The following ATP2B2 variants were observed in gnomAD, a reference collection of about 807,000 sequenced individuals.
ATP2B2 encodes plasma membrane calcium-transporting ATPase 2.
Under a neutral mutation model 120.0 loss-of-function variants are expected in ATP2B2, and 15 were observed. That is an observed-to-expected ratio of 0.12 (90% CI 0.08 to 0.19). ATP2B2 has a LOEUF of 0.19. Among genes scored for constraint, ATP2B2 ranks in the 10% least tolerant of loss-of-function variants. The pLI is 1.00. For synonymous variants in ATP2B2, 694 were observed against 700.3 expected (o/e 0.99, Z 0.14); for missense variants, 1,045 against 1,719.8 (o/e 0.61, Z 6.94).
intron 2 of ATP2B2, among the ~76,000 whole-genome samples, chr3:10,563,216 C>T (rs1048624693): frequency 1.2e-4 from 18 of 152,150 alleles, no homozygotes; most frequent in Admixed American, 5.9e-4. Context: ...ATGAAGGAGA[C>T]GCTATCAACA....
chr3:10,540,801 T>C (rs746437851), intron 2 of ATP2B2, among the ~76,000 whole-genome samples: 51 of 151,662 alleles, frequency 3.4e-4, no homozygotes, highest in Non-Finnish European at 6.0e-4. Context: ...CACAGCAACA[T>C]GGTACATGTA....
intron 1 of ATP2B2, among the ~76,000 whole-genome samples, chr3:10,678,047 A>G (rs966002721): frequency 1.3e-4 from 20 of 152,174 alleles, no homozygotes; most frequent in Non-Finnish European, 7.3e-5. Flanking sequence ...GAGAAGCCAT[A>G]ATTAAACCCC....
rs187377734 is a variant in ATP2B2, at chr3:10,570,754, C to T, written c.-414-36621G>A. ...GGAACCCAGCCCAAAACTCCATTGG[C>T]GAGAGGCAAAGGCTCCCTGCCCCCT... is the stretch of plus-strand genomic sequence containing the variant. On this transcript the variant is annotated intron_variant, in intron 2 of 21. Coordinates refer to the ATP2B2 transcript ENST00000646379. Among the ~76,000 whole-genome samples, 55 of 152,278 alleles carry T rather than the reference C, an allele frequency of 3.6e-4. 1 individual carries two copies. Among genetic ancestry groups the T allele is most frequent in the Middle Eastern group, 6.8e-3 (2 of 294 alleles).
chr3:10,413,163 A>T (rs1214486235), intron 2 of ATP2B2, among the ~76,000 whole-genome samples: 1 of 152,088 alleles, frequency 6.6e-6, no homozygotes, highest in Non-Finnish European at 1.5e-5. Flanking sequence ...GGTTCTGGGG[A>T]GTGTGATGTG....
At chr3:10,631,928 T>G (rs909948959) in intron 1 of ATP2B2, among the ~76,000 whole-genome samples, 4 of 152,208 alleles carry the variant, frequency 2.6e-5, no homozygotes, top group Non-Finnish European at 5.9e-5. Flanking sequence ...CTACCAAAGA[T>G]GAACTATTGT....
At chr3:10,345,741 C>T (rs879567631) in intron 17 of ATP2B2, among the ~76,000 whole-genome samples, 166 bp from the exon 18 acceptor site, 1 of 152,158 alleles carries the variant, frequency 6.6e-6, no homozygotes, top group Non-Finnish European at 1.5e-5. Context: ...CCTCACAGAC[C>T]CAGCTCCCTT....
At chr3:10,428,928 C>T (rs903668767) in intron 2 of ATP2B2, among the ~76,000 whole-genome samples, 8 of 152,332 alleles carry the variant, frequency 5.3e-5, no homozygotes, top group Middle Eastern at 3.4e-3. Flanking sequence ...GAGGATTTAG[C>T]ACCTGCTTGG....
intron 1 of ATP2B2, among the ~76,000 whole-genome samples, chr3:10,649,556 CT>C: frequency 6.6e-6 from 1 of 152,240 alleles, no homozygotes; most frequent in East Asian, 1.9e-4. Context: ...TCTTATTAGA[CT>C]AGTTAACTCC....
At chr3:10,533,159 G>A (rs948373771) in intron 3 of ATP2B2, among the ~76,000 whole-genome samples, 1 of 152,094 alleles carries the variant, frequency 6.6e-6, no homozygotes. Context: ...AATAGCAGAG[G>A]CCCCAAGAAA....
At chr3:10,582,421 G>C (rs542536595) in intron 2 of ATP2B2, among the ~76,000 whole-genome samples, 1 of 152,186 alleles carries the variant, frequency 6.6e-6, no homozygotes, top group Non-Finnish European at 1.5e-5. Context: ...TGCCTGCACT[G>C]TGCCCATCCA....
intron 2 of ATP2B2, among the ~76,000 whole-genome samples, chr3:10,576,124 A>C (rs561614893): frequency 1.3e-5 from 2 of 152,282 alleles, no homozygotes; most frequent in African/African-American, 4.8e-5. Context: ...CAAAGTTACA[A>C]AGCCAGGTTT....
At chr3:10,552,565 G>A (rs549462377) in intron 2 of ATP2B2, among the ~76,000 whole-genome samples, 1 of 152,372 alleles carries the variant, frequency 6.6e-6, no homozygotes, top group South Asian at 2.1e-4. Flanking sequence ...CAACAGCTAT[G>A]TGCTGGGTTG....
intron 1 of ATP2B2, among the ~76,000 whole-genome samples, chr3:10,676,227 CTGGAACTTGGTT>C (rs2071239601): frequency 6.6e-6 from 1 of 152,136 alleles, no homozygotes; most frequent in Non-Finnish European, 1.5e-5. Flanking sequence ...ACCCCAGTCT[CTGGAACTTGGTT>C]TGGACCTCAG....
chr3:10,703,290 A>C (rs1192630885), intron 1 of ATP2B2, among the ~76,000 whole-genome samples: 2 of 152,088 alleles, frequency 1.3e-5, no homozygotes, highest in Non-Finnish European at 2.9e-5. Flanking sequence ...TGCGCGCAGA[A>C]AGCTTGTCCT....
intron 2 of ATP2B2, among the ~76,000 whole-genome samples, chr3:10,447,858 A>G (rs2063893947): frequency 6.6e-6 from 1 of 152,270 alleles, no homozygotes; most frequent in South Asian, 2.1e-4. Context: ...AAACAAAAAA[A>G]TAGCACCCAG....
At chr3:10,600,102 C>A (rs1294930156) in intron 2 of ATP2B2, among the ~76,000 whole-genome samples, 1 of 134,368 alleles carries the variant, frequency 7.4e-6, no homozygotes, top group African/African-American at 2.7e-5. Context: ...AGCAGAGGGG[C>A]TGGGGCTGGT....
rs138911278 is a variant in ATP2B2 at position 10,480,679 on chromosome 3, C to T, written c.-320+24786G>A. Among the ~76,000 whole-genome samples, 823 of 152,314 alleles carry T rather than the reference C, an allele frequency of 5.4e-3. 3 individuals are homozygous for T. The highest frequency in any genetic ancestry group is 9.1e-3 in the Non-Finnish European group (620 of 68,016). ...TTGGTCCAGACTTTCTCCTAGGTTC[C>T]TCCCAAGTCCATCTTGTTCTCGCCA... On this transcript the variant is annotated intron_variant, in intron 1 of 22. Coordinates refer to ENST00000360273, the MANE Select transcript of ATP2B2 (RefSeq NM_001001331.4).
At position 10,488,251 on chromosome 3, in the gene ATP2B2, A is replaced by T. The variant is rs1389772317; in HGVS notation, c.-320+17214T>A. On this transcript the variant is annotated intron_variant, in intron 1 of 22. Coordinates refer to ENST00000360273, the MANE Select transcript of ATP2B2 (RefSeq NM_001001331.4). ...CATCCACCTATCCATCCATCCATCCATCCATCCATCCATCCATCCATCCAT... is the reference window on the plus strand; with the variant it reads ...CATCCACCTATCCATCCATCCATCCTTCCATCCATCCATCCATCCATCCAT... Among the ~76,000 whole-genome samples, 4 of 138,766 alleles carry T rather than the reference A, an allele frequency of 2.9e-5. No homozygotes were observed. In the East Asian group the frequency reaches 8.4e-4, roughly 29 times the overall value. 91.0% of individuals were successfully genotyped at this position (138,766 alleles called of 152,430 possible).
intron 2 of ATP2B2, among the ~76,000 whole-genome samples, chr3:10,614,350 C>T (rs1329972101): frequency 6.6e-6 from 1 of 151,944 alleles, no homozygotes; most frequent in Non-Finnish European, 1.5e-5. Flanking sequence ...GAACGTTTTG[C>T]TTTCCAGCTG....
Sources: allele counts gnomAD v4.1 joint callset (sites outside exome capture counted in the v4.1 genomes callset), GRCh38; gene constraint gnomAD v4.1.1; transcripts MANE v1.5; gene names NCBI Gene and HGNC (gene_info 2026-07-23, HGNC 2026-07-21).